COMT: variants seen among roughly 807,000 people sequenced by gnomAD.
COMT encodes the protein catechol-O-methyltransferase.
In COMT, 13 loss-of-function variants were observed where a neutral mutation model predicts 18.9. The ratio of observed to expected loss-of-function variants is 0.69; its 90% CI spans 0.45 to 1.09. COMT has a LOEUF of 1.09. Ranked by LOEUF, COMT falls within the 50% of genes least tolerant of loss-of-function variation. The pLI, the probability that COMT is intolerant of heterozygous loss-of-function variation, is 0.00. For synonymous variants in COMT, 150 were observed against 160.9 expected, an observed-to-expected ratio of 0.93 and a Z score of 0.51; for missense variants, 329 against 361.8, an observed-to-expected ratio of 0.91 and a Z score of 0.73.
chr22:19,968,865 G>A lies in COMT; in HGVS notation c.*129G>A. On this transcript the variant is annotated 3_prime_UTR_variant, in exon 6 of 6. Coordinates refer to ENST00000361682, the MANE Select transcript of COMT (RefSeq NM_000754.4). ...GCAAAGCACACCTCGGCCGAGGCCT[G>A]CGCCCTGACATGCTAACCTCTCTGA... The A allele has an allele frequency of 1.2e-6, 1 of 837,522 alleles. No individual in the cohort carries two copies. The highest frequency in any genetic ancestry group is 1.5e-5 in the South Asian group (1 of 67,962). The allele number at this position is 837,522 out of a possible 1,614,324, so 51.9% of individuals were successfully genotyped here.
intron 2 of COMT, among the ~76,000 whole-genome samples, 163 bp downstream of exon 2, chr22:19,961,452 G>A (rs567662145): frequency 1.3e-5 from 2 of 152,304 alleles, no homozygotes; most frequent in South Asian, 4.1e-4. Flanking sequence ...CTCCCCCTAG[G>A]GCGGAGCCTC....
chr22:19,947,674 G>A (rs554588029), intron 1 of COMT, among the ~76,000 whole-genome samples: 4 of 152,336 alleles, frequency 2.6e-5, no homozygotes, highest in Admixed American at 6.5e-5. Flanking sequence ...ACATGAAAGC[G>A]GACCAGGAGC....
At chr22:19,946,084 G>A (rs1164067433) in intron 1 of COMT, among the ~76,000 whole-genome samples, 1 of 152,144 alleles carries the variant, frequency 6.6e-6, no homozygotes, top group Non-Finnish European at 1.5e-5. Context: ...TTGCATGCAG[G>A]TACTGAATTC....
chr22:19,960,388 A>G (rs928869718), intron 1 of COMT, among the ~76,000 whole-genome samples: 1 of 152,210 alleles, frequency 6.6e-6, no homozygotes, highest in Admixed American at 6.5e-5. Flanking sequence ...AATCCCCACC[A>G]TGAAGAAAGG....
intron 1 of COMT, among the ~76,000 whole-genome samples, chr22:19,960,300 C>T (rs1942165286): frequency 2.0e-5 from 3 of 152,158 alleles, no homozygotes; most frequent in African/African-American, 4.8e-5. Context: ...TATCTGACCA[C>T]ACAAATACTA....
At chr22:19,960,381 C>G (rs1253532675) in intron 1 of COMT, among the ~76,000 whole-genome samples, 1 of 152,198 alleles carries the variant, frequency 6.6e-6, no homozygotes, top group Non-Finnish European at 1.5e-5. Context: ...CATAGGAAAT[C>G]CCCACCATGA....
At chr22:19,954,943 G>A (rs1364414355) in intron 1 of COMT, among the ~76,000 whole-genome samples, 1 of 152,166 alleles carries the variant, frequency 6.6e-6, no homozygotes, top group East Asian at 1.9e-4. Flanking sequence ...TGAGACAGTG[G>A]CAGGAGGGGG....
chr22:19,960,045 C>T (rs930209818), intron 1 of COMT, among the ~76,000 whole-genome samples: 1 of 152,242 alleles, frequency 6.6e-6, no homozygotes. Flanking sequence ...TGGCCTCCTC[C>T]CCTCTGCTGC....
At chr22:19,952,291 G>T (rs575463147) in intron 1 of COMT, among the ~76,000 whole-genome samples, 3 of 149,788 alleles carry the variant, frequency 2.0e-5, no homozygotes, top group Non-Finnish European at 3.0e-5. Flanking sequence ...GGCGGCAGAG[G>T]TGATCACGCC....
chr22:19,962,504 GC>G (rs1942215892), intron 2 of COMT, 22 bp from the exon 3 acceptor site: 1 of 1,542,726 alleles, frequency 6.5e-7, no homozygotes, highest in African/African-American at 1.4e-5. Context: ...GAGCACTGGC[GC>G]CCCTCCCCTC....
At chr22:19,959,989 C>T (rs1211111587) in intron 1 of COMT, among the ~76,000 whole-genome samples, 1 of 152,254 alleles carries the variant, frequency 6.6e-6, no homozygotes, top group Non-Finnish European at 1.5e-5. Context: ...GTGGGCCGGT[C>T]CCTCCTGCCA....
At chr22:19,965,640 G>GT (rs1942351322) in intron 5 of COMT, 1 of 152,354 alleles carries the variant, frequency 6.6e-6, no homozygotes, top group African/African-American at 2.4e-5. Flanking sequence ...GCGTCCGGCC[G>GT]TATTCCAGCT....
chr22:19,967,486 A>C (rs534487632), intron 5 of COMT: 9 of 435,622 alleles, frequency 2.1e-5, no homozygotes, highest in African/African-American at 1.9e-4. Context: ...GACCTCACTG[A>C]CCTTGCAGCC....
intron 1 of COMT, 102 bp downstream of exon 1, chr22:19,941,999 C>T (rs1941741923): frequency 2.2e-6 from 1 of 464,240 alleles, no homozygotes; most frequent in Non-Finnish European, 3.6e-6. Flanking sequence ...GAATTCGGAC[C>T]GCTGTGAAGT....
At chr22:19,966,933 C>T in intron 5 of COMT, 1 of 985,378 alleles carries the variant, frequency 1.0e-6, no homozygotes, top group Non-Finnish European at 1.2e-6. Context: ...GTCGCTTCTC[C>T]ACGGCATTAG....
intron 4 of COMT, 121 bp from the exon 5 acceptor site, chr22:19,964,047 T>C (rs1942272881): frequency 6.4e-7 from 1 of 1,571,440 alleles, no homozygotes; most frequent in Admixed American, 1.7e-5. Context: ...AATGCTTGTA[T>C]GGGTGTGTAA....
At chr22:19,961,731 G>A (rs1942196198) in intron 2 of COMT, 1 of 152,304 alleles carries the variant, frequency 6.6e-6, no homozygotes, top group African/African-American at 2.4e-5. Flanking sequence ...TTCTGCCTCA[G>A]GCCTCCTGTG....
intron 1 of COMT, among the ~76,000 whole-genome samples, chr22:19,942,862 G>A (rs1941765499): frequency 6.6e-6 from 1 of 152,192 alleles, no homozygotes; most frequent in South Asian, 2.1e-4. Context: ...ACTGGGAAGG[G>A]AGGGTTGGCC....
At chr22:19,966,436 TAAAAAAAAA>T (rs362115) in intron 5 of COMT, among the ~76,000 whole-genome samples, 1 of 135,304 alleles carries the variant, frequency 7.4e-6, no homozygotes, top group Non-Finnish European at 1.6e-5. Flanking sequence ...AGTTCCCCCT[TAAAAAAAAA>T]AAAAAAAAAA....
Sources: gnomAD v4.1 joint callset for allele counts (sites outside exome capture counted in the v4.1 genomes callset) on GRCh38, gnomAD v4.1.1 for gene constraint, MANE v1.5 for transcripts, NCBI Gene and HGNC (gene_info 2026-07-23, HGNC 2026-07-21) for gene names.